The following UBE2D3 variants were observed in gnomAD, a reference collection of about 807,000 sequenced individuals.
The protein encoded by UBE2D3 is ubiquitin-conjugating enzyme E2 D3.
Under a neutral mutation model 22.8 loss-of-function variants are expected in UBE2D3, and 2 were observed. That is an observed-to-expected ratio of 0.09 (90% CI 0.04 to 0.28). UBE2D3 has a LOEUF of 0.28. UBE2D3 is among the 10% of genes least tolerant of loss of function. The pLI is 1.00. For missense variants in UBE2D3, 27 were observed against 182.5 expected (o/e 0.15, Z 4.91); for synonymous variants, 56 against 60.4 (o/e 0.93, Z 0.34).
chr4:102,861,729 T>C (rs1340035674), intron 1 of UBE2D3, among the ~76,000 whole-genome samples: 1 of 152,056 alleles, frequency 6.6e-6, no homozygotes, highest in Non-Finnish European at 1.5e-5. Flanking sequence ...CAAAGATCTA[T>C]GGAATTAAGC....
chr4:102,818,914 T>G (rs887314391), intron 2 of UBE2D3, among the ~76,000 whole-genome samples: 2 of 152,204 alleles, frequency 1.3e-5, no homozygotes, highest in East Asian at 3.8e-4. Flanking sequence ...CTCTATTCTC[T>G]ATCTTCCTCA....
In UBE2D3 at chr4:102,827,518, G is replaced by C. The variant is rs533225740; in HGVS notation, c.-220C>G. ...CCGGCCCTACGGGGCTCACGCGCACGACACAGCCACAAGATGTCCGCTCTG... is the reference window on the plus strand; with the variant it reads ...CCGGCCCTACGGGGCTCACGCGCACCACACAGCCACAAGATGTCCGCTCTG... On this transcript the variant is annotated 5_prime_UTR_variant, in exon 1 of 8. Transcript: ENST00000453744. 2 of 985,856 alleles carry C rather than the reference G, an allele frequency of 2.0e-6. No individual in the cohort carries two copies. Among genetic ancestry groups the C allele is most frequent in the East Asian group, 1.1e-4 (1 of 8,806 alleles). The allele number at this position is 985,856 out of a possible 1,614,324, so 61.1% of individuals were successfully genotyped here. A position where few individuals can be genotyped will look rare whatever the true frequency, so the allele number is the denominator to read the frequency against.
chr4:102,834,701 A>G (rs1480881308), intron 1 of UBE2D3, among the ~76,000 whole-genome samples: 1 of 151,452 alleles, frequency 6.6e-6, no homozygotes, highest in Non-Finnish European at 1.5e-5. Context: ...GTGAGCTGTG[A>G]TCAGGCCACT....
chr4:102,817,302 T>C lies in UBE2D3; in HGVS notation c.25-7447A>G, dbSNP rs777590208. On this transcript the variant is annotated intron_variant, in intron 2 of 7. Transcript: ENST00000453744. ...TCCAAAGGCAATGGGAAATCACTGA[T>C]GGTTTCGAAATAGAAGACAAATGAG... is the stretch of plus-strand genomic sequence containing the variant. 1.2e-4 allele frequency among the ~76,000 whole-genome samples: 19 copies of C among 152,324 alleles called. No individual in the cohort carries two copies. The Middle Eastern group carries it at 0.01, about 82-fold the overall frequency.
intron 1 of UBE2D3, 190 bp downstream of exon 1, chr4:102,827,237 G>A (rs1380153794): frequency 2.7e-5 from 26 of 975,546 alleles, no homozygotes; most frequent in Non-Finnish European, 3.2e-5. Flanking sequence ...CGGCTTAGGC[G>A]CGAGGACGCG....
At chr4:102,857,914 G>A (rs1472890715) in intron 1 of UBE2D3, among the ~76,000 whole-genome samples, 1 of 151,824 alleles carries the variant, frequency 6.6e-6, no homozygotes, top group Non-Finnish European at 1.5e-5. Context: ...GGCTGATCTC[G>A]AACTCCTGAC....
intron 1 of UBE2D3, 103 bp downstream of exon 1, chr4:102,827,324 G>A (rs1197872459): frequency 2.1e-6 from 2 of 968,368 alleles, no homozygotes; most frequent in African/African-American, 1.8e-5. Flanking sequence ...GCACCCAATA[G>A]GCTGGCCGCT....
rs183745600 is a variant in UBE2D3, at chr4:102,859,009, G to A, written c.-129+9706C>T. 6.6e-5 allele frequency among the ~76,000 whole-genome samples: 10 copies of A among 151,912 alleles called. No homozygotes were observed. The East Asian group carries it at 1.2e-3, about 18-fold the overall frequency. ...TTACCAGGGAGTTTCATACTTTCAC[G>A]TTTTCATGTTGCTAATTAGCATCCT... On this transcript the variant is annotated intron_variant, in intron 1 of 7. Transcript: ENST00000338145.
At chr4:102,801,606 C>A in intron 5 of UBE2D3, 47 bp from the exon 6 acceptor site, 1 of 1,424,138 alleles carries the variant, frequency 7.0e-7, no homozygotes, top group Non-Finnish European at 9.6e-7. Flanking sequence ...AAACAAACAT[C>A]TTTTAAAGCA....
At chr4:102,819,649 T>C (rs1335328814) in intron 2 of UBE2D3, 5 of 971,036 alleles carry the variant, frequency 5.1e-6, no homozygotes, top group Non-Finnish European at 6.1e-6. Flanking sequence ...CAAAAGCCTA[T>C]ATAGTGGCAA....
chr4:102,811,411 G>T (rs149576), intron 2 of UBE2D3: 84,250 of 155,270 alleles, frequency 0.54, 23,473 homozygotes, highest in African/African-American at 0.68. Flanking sequence ...ACTGGGCACA[G>T]TGGCTCACGC....
At position 102,825,394 on chromosome 4, in the gene UBE2D3, T is replaced by A. The variant is rs1730299769; in HGVS notation, c.24+1091A>T. ...GGGAAATACAGTTTAAGAGTTTGAA[T>A]TTAGGTAAGTTTTGAGCAGAGGATC... On this transcript the variant is annotated intron_variant, in intron 2 of 7. Transcript: ENST00000453744. 8 of 1,028,108 alleles carry A rather than the reference T, an allele frequency of 7.8e-6. No homozygotes were observed. The South Asian group carries it at 1.9e-4, about 25-fold the overall frequency. 63.7% of individuals were successfully genotyped at this position (1,028,108 alleles called of 1,614,324 possible).
At chr4:102,799,580 C>G in intron 6 of UBE2D3, 80 bp from the exon 7 acceptor site, 1 of 992,128 alleles carries the variant, frequency 1.0e-6, no homozygotes, top group South Asian at 1.6e-5. Context: ...TATTACAAAA[C>G]TCAATCCTCA....
intron 1 of UBE2D3, chr4:102,826,974 A>G: frequency 1.0e-6 from 1 of 998,756 alleles, no homozygotes; most frequent in Non-Finnish European, 1.2e-6. Context: ...CACTAGGGCA[A>G]AGAAAGGCAA....
rs143863567 is a variant in UBE2D3, at chr4:102,820,152, G to A, written c.24+6333C>T. Among the ~76,000 whole-genome samples the A allele has an allele frequency of 1.3e-3, 204 of 152,314 alleles. No individual in the cohort carries two copies. The Middle Eastern group carries it at 0.017, about 13-fold the overall frequency. On this transcript the variant is annotated intron_variant, in intron 2 of 7. Transcript: ENST00000453744. ...GTGCGAACCAACAATAGAGGTCGAA[G>A]TGCAGTGCAATTAGCTGTCCATCAG...
At position 102,799,512 on chromosome 4, in the gene UBE2D3, C is replaced by T; in HGVS notation, c.305-12G>A. On this transcript the variant is annotated splice_polypyrimidine_tract_variant and intron_variant, in intron 6 of 7. Transcript: ENST00000453744. ...AATGGATAAAAGAACTGCAAGAAAA[C>T]AAAAACATCTGTTACCCAGTTTCAG... 1 of 1,595,270 alleles carries T rather than the reference C, an allele frequency of 6.3e-7. No individual in the cohort carries two copies. The highest frequency in any genetic ancestry group is 1.1e-5 in the South Asian group (1 of 89,166).
intron 1 of UBE2D3, among the ~76,000 whole-genome samples, chr4:102,866,002 T>C (rs1733130197): frequency 6.6e-6 from 1 of 152,222 alleles, no homozygotes; most frequent in Admixed American, 6.5e-5. Flanking sequence ...TAGAGCAATA[T>C]TATCTTTAGA....
chr4:102,843,299 C>A (rs1260370272), intron 1 of UBE2D3: 1 of 151,244 alleles, frequency 6.6e-6, no homozygotes, highest in African/African-American at 2.4e-5. Flanking sequence ...GATTTTGTTT[C>A]ATTTTTTTTT....
At chr4:102,841,384 T>C (rs1014342971) in intron 1 of UBE2D3, among the ~76,000 whole-genome samples, 1 of 152,184 alleles carries the variant, frequency 6.6e-6, no homozygotes, top group African/African-American at 2.4e-5. Context: ...AATAAATCAC[T>C]ATTTTTTCCC....
Sources: allele counts gnomAD v4.1 joint callset (sites outside exome capture counted in the v4.1 genomes callset), GRCh38; gene constraint gnomAD v4.1.1; transcripts MANE v1.5; gene names NCBI Gene and HGNC (gene_info 2026-07-23, HGNC 2026-07-21).